CNTN4: variants seen among roughly 807,000 people sequenced by gnomAD.
CNTN4 encodes contactin-4.
CNTN4 carries 77 observed loss-of-function variants against 122.5 expected under a neutral mutation model. That is an observed-to-expected ratio of 0.63 (90% CI 0.52 to 0.76). The LOEUF (loss-of-function observed/expected upper bound fraction) is 0.76. CNTN4 is among the 30% of genes least tolerant of loss of function. The pLI is 0.00. For missense variants in CNTN4, 1,256 were observed against 1,259.1 expected (o/e 1.00, Z 0.04); for synonymous variants, 512 against 447.0 (o/e 1.15, Z -1.83).
chr3:2,605,467 G>A (rs2081218983), intron 4 of CNTN4, among the ~76,000 whole-genome samples: 2 of 152,134 alleles, frequency 1.3e-5, no homozygotes, highest in Non-Finnish European at 2.9e-5. Flanking sequence ...GCATTGTAGG[G>A]TTTTAGACAA....
chr3:2,690,814 G>A (rs1028189186), intron 4 of CNTN4, among the ~76,000 whole-genome samples: 2 of 152,154 alleles, frequency 1.3e-5, no homozygotes, highest in African/African-American at 4.8e-5. Context: ...CACCAATAAA[G>A]TTTTATTGCA....
rs187157033 is a variant in CNTN4, at chr3:2,282,281, G to C, written c.-144-56897G>C. Among the ~76,000 whole-genome samples, 83 of 152,000 alleles carry C rather than the reference G, an allele frequency of 5.5e-4. 1 individual carries two copies. Among genetic ancestry groups the C allele is most frequent in the Non-Finnish European group, 1.0e-4 (7 of 67,970 alleles). The stretch of plus-strand genomic sequence containing the variant: ...AGTGATGACAAATATTTAATGATTG[G>C]TTTATTTTGATTGGTCGTAGTTCCA... On this transcript the variant is annotated intron_variant, in intron 2 of 24. Transcript: ENST00000418658.
intron 3 of CNTN4, among the ~76,000 whole-genome samples, chr3:2,363,749 G>T (rs950916926): frequency 2.0e-5 from 3 of 152,064 alleles, no homozygotes; most frequent in Non-Finnish European, 4.4e-5. Context: ...GAGAATAACT[G>T]GTCAGCATCC....
chr3:2,706,618 T>A (rs2086755568), intron 4 of CNTN4, among the ~76,000 whole-genome samples: 1 of 152,196 alleles, frequency 6.6e-6, no homozygotes, highest in Admixed American at 6.5e-5. Context: ...AGTTTGTTTC[T>A]CGGGTGAGCT....
chr3:2,420,368 G>T (rs1414087610), intron 3 of CNTN4, among the ~76,000 whole-genome samples: 1 of 152,096 alleles, frequency 6.6e-6, no homozygotes, highest in African/African-American at 2.4e-5. Flanking sequence ...TCTGTGAGGT[G>T]TGCTTTATGT....
At chr3:2,415,347 G>A (rs2047374804) in intron 3 of CNTN4, among the ~76,000 whole-genome samples, 1 of 152,000 alleles carries the variant, frequency 6.6e-6, no homozygotes, top group South Asian at 2.1e-4. Flanking sequence ...TGCTCTCTGT[G>A]TAAGAGAACC....
chr3:2,287,286 A>G (rs536373497), intron 2 of CNTN4, among the ~76,000 whole-genome samples: 8 of 152,098 alleles, frequency 5.3e-5, no homozygotes, highest in Admixed American at 1.3e-4. Flanking sequence ...TTAAAACTGA[A>G]CATTTGAAAT....
chr3:2,727,447 T>G (rs1406528782), intron 4 of CNTN4, among the ~76,000 whole-genome samples: 2 of 152,236 alleles, frequency 1.3e-5, no homozygotes, highest in African/African-American at 2.4e-5. Flanking sequence ...TAACTAGGGC[T>G]TGGCGTCAGT....
chr3:2,123,269 C>T (rs1273615890), intron 2 of CNTN4, among the ~76,000 whole-genome samples: 11 of 152,172 alleles, frequency 7.2e-5, no homozygotes, highest in East Asian at 1.9e-4. Context: ...AAGTTCAAAA[C>T]GGCTGAGTGC....
intron 4 of CNTN4, among the ~76,000 whole-genome samples, chr3:2,719,782 A>T (rs1302361119): frequency 2.0e-5 from 3 of 152,076 alleles, no homozygotes; most frequent in African/African-American, 4.8e-5. Flanking sequence ...TCAAAAATTG[A>T]CTTTCTTGGT....
intron 7 of CNTN4, among the ~76,000 whole-genome samples, chr3:2,823,023 T>G (rs1271455697): frequency 6.6e-6 from 1 of 152,204 alleles, no homozygotes; most frequent in Non-Finnish European, 1.5e-5. Flanking sequence ...AAAGAGCATC[T>G]CAGACATCCA....
Position 2,571,400 on chromosome 3 carries a change from C to G in CNTN4, c.-88-16C>G, listed in dbSNP as rs189339886. On this transcript the variant is annotated splice_polypyrimidine_tract_variant and intron_variant, in intron 3 of 24. Coordinates refer to ENST00000418658, the MANE Select transcript of CNTN4 (RefSeq NM_175607.3). ...ATATTCCCAAATCTCATTGTAATGT[C>G]TCTTCTTTCCCACAGATTAAAGGTT... 15 of 817,894 alleles carry G rather than the reference C, an allele frequency of 1.8e-5. No individual in the cohort carries two copies. Among genetic ancestry groups the G allele is most frequent in the Middle Eastern group, 2.2e-4 (1 of 4,524 alleles). The allele number at this position is 817,894 out of a possible 1,614,324, so 50.7% of individuals were successfully genotyped here.
intron 2 of CNTN4, among the ~76,000 whole-genome samples, chr3:2,146,299 T>G (rs1156374128): frequency 6.6e-6 from 1 of 151,694 alleles, no homozygotes; most frequent in East Asian, 2.0e-4. Flanking sequence ...CTACTACAAA[T>G]TGAAGTATTT....
At chr3:2,824,891 G>A (rs1175256073) in intron 7 of CNTN4, among the ~76,000 whole-genome samples, 1 of 152,070 alleles carries the variant, frequency 6.6e-6, no homozygotes, top group Admixed American at 6.6e-5. Flanking sequence ...TCAAACTCCC[G>A]ACCTCAAGTG....
At chr3:2,395,133 A>G (rs1352274660) in intron 3 of CNTN4, among the ~76,000 whole-genome samples, 3 of 152,206 alleles carry the variant, frequency 2.0e-5, no homozygotes, top group Non-Finnish European at 4.4e-5. Context: ...GAAAGAGCCT[A>G]GGTGTTCATC....
chr3:2,127,466 A>T (rs973410198), intron 2 of CNTN4, among the ~76,000 whole-genome samples: 1 of 152,150 alleles, frequency 6.6e-6, no homozygotes, highest in South Asian at 2.1e-4. Flanking sequence ...AACTTGTGTG[A>T]TGTGCCACAA....
At chr3:2,499,872 GTCTC>G (rs750523788) in intron 3 of CNTN4, among the ~76,000 whole-genome samples, 1 of 152,010 alleles carries the variant, frequency 6.6e-6, no homozygotes, top group Non-Finnish European at 1.5e-5. Flanking sequence ...AACCTGGTAT[GTCTC>G]TCTGTTTACT....
chr3:2,824,137 G>T (rs1200015791), intron 7 of CNTN4, among the ~76,000 whole-genome samples: 4 of 145,010 alleles, frequency 2.8e-5, no homozygotes, highest in African/African-American at 1.0e-4. Flanking sequence ...CATAAATCTG[G>T]GCTAGGGTCC....
intron 3 of CNTN4, among the ~76,000 whole-genome samples, chr3:2,380,510 C>G (rs1464219480): frequency 6.6e-6 from 1 of 152,200 alleles, no homozygotes; most frequent in Admixed American, 6.5e-5. Context: ...GCTTACCACT[C>G]TTGAAGGATA....
Sources: gnomAD v4.1 joint callset for allele counts (sites outside exome capture counted in the v4.1 genomes callset) on GRCh38, gnomAD v4.1.1 for gene constraint, MANE v1.5 for transcripts, NCBI Gene and HGNC (gene_info 2026-07-23, HGNC 2026-07-21) for gene names.